The following ENTPD6 variants were observed in gnomAD, a reference collection of about 807,000 sequenced individuals.
ENTPD6 encodes CD39 antigen-like 2.
Under a neutral mutation model 61.5 loss-of-function variants are expected in ENTPD6, and 46 were observed. The observed-to-expected ratio is 0.75, with a 90% confidence interval of 0.59 to 0.96. The LOEUF (loss-of-function observed/expected upper bound fraction) is 0.96, where lower values mean the gene tolerates loss of function less well. Ranked by LOEUF, ENTPD6 falls within the 40% of genes least tolerant of loss-of-function variation. The pLI is 0.00. For synonymous variants in ENTPD6, 252 were observed against 255.5 expected, an observed-to-expected ratio of 0.99 and a Z score of 0.13; for missense variants, 612 against 629.0, an observed-to-expected ratio of 0.97 and a Z score of 0.29.
chr20:25,218,012 A>C (rs2092427722), intron 9 of ENTPD6, among the ~76,000 whole-genome samples: 1 of 126,246 alleles, frequency 7.9e-6, no homozygotes, highest in African/African-American at 3.3e-5. Flanking sequence ...CTCCTCCTTC[A>C]TCCTTTAATG....
At chr20:25,196,492 C>A (rs1002917963) in intron 1 of ENTPD6, among the ~76,000 whole-genome samples, 3 of 152,154 alleles carry the variant, frequency 2.0e-5, no homozygotes, top group African/African-American at 7.2e-5. Flanking sequence ...TGGGAGGGCC[C>A]AGGGGAGCGT....
chr20:25,224,154 T>C lies in ENTPD6; in HGVS notation c.1240T>C (p.Tyr414His). 6.2e-7 allele frequency: 1 copy of C among 1,611,744 alleles called. No individual in the cohort carries two copies. Among genetic ancestry groups the C allele is most frequent in the South Asian group, 1.1e-5 (1 of 90,704 alleles). Residue 414 changes from tyrosine to histidine, a missense_variant, in exon 13 of 15, where the codon TAC (tyrosine) becomes CAC (histidine). By Grantham distance (83) the Tyr-to-His change is moderately conservative. Coordinates refer to ENST00000376652, the MANE Select transcript of ENTPD6 (RefSeq NM_001247.5). ...VVGDFEIAAK[Y>H]VCRTLETQPQ... ...GGGGGACTTCGAGATCGCAGCCAAGTACGGTGAGTGATGCTGCAGGGGCCA... is the reference window on the plus strand; with the variant it reads ...GGGGGACTTCGAGATCGCAGCCAAGCACGGTGAGTGATGCTGCAGGGGCCA...
intron 1 of ENTPD6, among the ~76,000 whole-genome samples, chr20:25,204,950 T>G (rs534481119): frequency 6.6e-6 from 1 of 152,344 alleles, no homozygotes; most frequent in African/African-American, 2.4e-5. Context: ...TCTAGTTGTT[T>G]TTAGTGTTTC....
Position 25,221,007 on chromosome 20 carries a change from G to A in ENTPD6, c.944-225G>A, listed in dbSNP as rs540649121. Among the ~76,000 whole-genome samples, 25 of 152,336 alleles carry A rather than the reference G, an allele frequency of 1.6e-4. No homozygotes were observed. In the South Asian group the frequency reaches 1.7e-3, roughly 10 times the overall value. ...CTTGGCCCAGTGCCTGGCACCCGGCGTGCCCAGGGCCGTGAGCTGGGCATG... is the reference window on the plus strand; with the variant it reads ...CTTGGCCCAGTGCCTGGCACCCGGCATGCCCAGGGCCGTGAGCTGGGCATG... On this transcript the variant is annotated intron_variant, in intron 10 of 14. Transcript: ENST00000376652.
chr20:25,216,645 C>G lies in ENTPD6; in HGVS notation c.710-3C>G. The G allele has an allele frequency of 1.3e-6, 2 of 1,598,836 alleles. No individual in the cohort carries two copies. Among genetic ancestry groups the G allele is most frequent in the Non-Finnish European group, 1.7e-6 (2 of 1,172,944 alleles). On this transcript the variant is annotated splice_region_variant and splice_polypyrimidine_tract_variant and intron_variant, in intron 7 of 14. Coordinates refer to ENST00000376652, the MANE Select transcript of ENTPD6 (RefSeq NM_001247.5). Reference sequence around the variant, plus strand: ...TGTGCTGTTTTTGCTTGCTGTGCTCCAGGCAGCTTGAAAACTCCAGGAGGG... The same window carrying G: ...TGTGCTGTTTTTGCTTGCTGTGCTCGAGGCAGCTTGAAAACTCCAGGAGGG...
At chr20:25,210,097 G>T (rs1342605695) in intron 4 of ENTPD6, among the ~76,000 whole-genome samples, 172 bp downstream of exon 4, 1 of 152,216 alleles carries the variant, frequency 6.6e-6, no homozygotes, top group Non-Finnish European at 1.5e-5. Context: ...CAGCGCGCGA[G>T]CCCAGAGGAG....
chr20:25,220,628 A>G (rs1262615770), intron 10 of ENTPD6, among the ~76,000 whole-genome samples: 1 of 152,354 alleles, frequency 6.6e-6, no homozygotes, highest in East Asian at 1.9e-4. Context: ...GGTGGCTTCA[A>G]AAAAGGAAGG....
rs1379844226 is a variant in ENTPD6 at position 25,227,136 on chromosome 20, C to CT, written c.*1539_*1540insT. 1.3e-5 allele frequency among the ~76,000 whole-genome samples: 2 copies of CT among 152,244 alleles called. No individual in the cohort carries two copies. Among genetic ancestry groups the CT allele is most frequent in the African/African-American group, 4.8e-5 (2 of 41,468 alleles). ...CCGAGTGCTTGTGCCTGAAGCCCCC[C>CT]CCAACCAACTGTCACAGGAGGACAG... On this transcript the variant is annotated 3_prime_UTR_variant, in exon 15 of 15. Transcript: ENST00000376652.
Position 25,222,918 on chromosome 20 carries a change from C to T in ENTPD6, c.1126C>T (p.His376Tyr), listed in dbSNP as rs1244519441. ...NRVHRTEEVK[H>Y]VDFYAFSYYY... is the part of the protein sequence containing the mutation. ...AGTGCACAGGACGGAGGAAGTGAAG[C>T]ATGTGGACTTCTATGCTTTCTCCTA... is the stretch of plus-strand genomic sequence containing the variant. The change falls in exon 12 of 15, where the codon CAT (histidine) becomes TAT (tyrosine). Residue 376 changes from histidine to tyrosine, a missense_variant. By Grantham distance (83) the His-to-Tyr change is moderately conservative. Transcript: ENST00000376652. 1 of 1,613,896 alleles carries T rather than the reference C, an allele frequency of 6.2e-7. No individual in the cohort carries two copies. The highest frequency in any genetic ancestry group is 8.5e-7 in the Non-Finnish European group (1 of 1,179,920).
At chr20:25,224,889 G>T in intron 13 of ENTPD6, 1 of 384,390 alleles carries the variant, frequency 2.6e-6, no homozygotes, top group Non-Finnish European at 4.7e-6. Context: ...GAAAGCTTAG[G>T]TTTTATGCAG....
chr20:25,221,489 T>C, intron 11 of ENTPD6, 156 bp downstream of exon 11: 1 of 708,070 alleles, frequency 1.4e-6, no homozygotes, highest in Non-Finnish European at 2.6e-6. Flanking sequence ...GTGGTTTGGC[T>C]GCAGGGGCCT....
intron 10 of ENTPD6, among the ~76,000 whole-genome samples, chr20:25,220,588 C>T (rs562890922): frequency 3.9e-5 from 6 of 152,198 alleles, no homozygotes; most frequent in African/African-American, 1.4e-4. Context: ...CATGGCCTCG[C>T]CCCAGCAGAG....
chr20:25,201,703 A>G (rs1485393270), intron 1 of ENTPD6, among the ~76,000 whole-genome samples: 3 of 152,216 alleles, frequency 2.0e-5, no homozygotes, highest in African/African-American at 7.2e-5. Context: ...CCTTTGAACA[A>G]CATGGGTTAG....
chr20:25,216,740 A>G lies in ENTPD6; in HGVS notation c.798+4A>G. ...CGCCTTCCTGCCACGCGTGGAGGTA[A>G]CAAGCCCTGCCGACCACAGCGCTCT... On this transcript the variant is annotated splice_donor_region_variant and intron_variant, in intron 8 of 14. Transcript: ENST00000376652. 6.3e-7 allele frequency: 1 copy of G among 1,581,000 alleles called. No individual in the cohort carries two copies. The highest frequency in any genetic ancestry group is 8.6e-7 in the Non-Finnish European group (1 of 1,163,030).
At position 25,207,262 on chromosome 20, in the gene ENTPD6, G is replaced by A. The variant is rs771355768; in HGVS notation, c.241G>A (p.Ala81Thr). 6.8e-6 allele frequency: 11 copies of A among 1,613,538 alleles called. No individual in the cohort carries two copies. The highest frequency in any genetic ancestry group is 6.7e-5 in the Admixed American group (4 of 59,980). ...CAGCATCACCAGGGCAGCCCCGGGG[G>A]CCCGGTGGGGTCAGCAGGCCCACAG... ...FFSITRAAPG[A>T]RWGQQAHSPL... The change falls in exon 3 of 15, where the codon GCC (alanine) becomes ACC (threonine). Residue 81 changes from alanine to threonine, a missense_variant. Ala to Thr is a moderately conservative substitution (Grantham distance 58). Transcript: ENST00000376652.
rs759914286 is a variant in ENTPD6 at position 25,206,562 on chromosome 20, C to T, written c.26C>T (p.Thr9Ile). The T allele has an allele frequency of 2.5e-6, 4 of 1,613,706 alleles. No individual in the cohort carries two copies. Among genetic ancestry groups the T allele is most frequent in the Non-Finnish European group, 3.4e-6 (4 of 1,179,696 alleles). The change falls in exon 2 of 15, where the codon ACT becomes ATT. Residue 9 changes from threonine to isoleucine, a missense_variant. Physicochemically the swap from Thr to Ile is moderately conservative, Grantham distance 89. Coordinates refer to ENST00000376652, the MANE Select transcript of ENTPD6 (RefSeq NM_001247.5). The stretch of plus-strand genomic sequence containing the variant: ...ATGAAAAAAGGTATCCGTTATGAAA[C>T]TTCCAGAAAAACGAGCTACATTTTT... Reference protein sequence around the residue: MKKGIRYETSRKTSYIFQQ... With the variant: MKKGIRYEISRKTSYIFQQ...
chr20:25,217,816 C>T (rs1288925327), intron 9 of ENTPD6, among the ~76,000 whole-genome samples: 10 of 150,338 alleles, frequency 6.7e-5, no homozygotes, highest in Non-Finnish European at 1.2e-4. Context: ...TCCTCCTCCT[C>T]CTCCCACCTC....
intron 4 of ENTPD6, among the ~76,000 whole-genome samples, chr20:25,212,293 G>T (rs2092018119): frequency 6.6e-6 from 1 of 152,204 alleles, no homozygotes; most frequent in Admixed American, 6.5e-5. Context: ...TTATCATGGG[G>T]TTTAGTGCCA....
At chr20:25,220,853 G>A (rs1414653381) in intron 10 of ENTPD6, among the ~76,000 whole-genome samples, 2 of 147,936 alleles carry the variant, frequency 1.4e-5, no homozygotes, top group African/African-American at 5.1e-5. Flanking sequence ...AAGGCATGGT[G>A]GCACCTGGTG....
Sources: gnomAD v4.1 joint callset for allele counts (sites outside exome capture counted in the v4.1 genomes callset) on GRCh38, gnomAD v4.1.1 for gene constraint, MANE v1.5 for transcripts, NCBI Gene and HGNC (gene_info 2026-07-23, HGNC 2026-07-21) for gene names.